KLHL3: variants seen among roughly 807,000 people sequenced by gnomAD.
KLHL3 encodes kelch like family member 3, also known as kelch-like protein 3.
A neutral mutation model predicts 70.5 loss-of-function variants in KLHL3; 19 were observed. The observed-to-expected ratio is 0.27, with a 90% confidence interval of 0.19 to 0.40. KLHL3 has a LOEUF of 0.40. Ranked by LOEUF, KLHL3 falls within the 10% of genes least tolerant of loss-of-function variation. The probability of loss-of-function intolerance (pLI) is 1.00; values close to 1 mark genes in which losing one functional copy is unlikely to be tolerated. For missense variants in KLHL3, 512 were observed against 771.1 expected (o/e 0.66, Z 3.98); for synonymous variants, 258 against 290.3 (o/e 0.89, Z 1.13).
chr5:137,691,101 A>T (rs1301353436), intron 5 of KLHL3, among the ~76,000 whole-genome samples: 1 of 152,232 alleles, frequency 6.6e-6, no homozygotes, highest in Non-Finnish European at 1.5e-5. Flanking sequence ...AAATAATAGA[A>T]TGACAAGCTC....
intron 14 of KLHL3, among the ~76,000 whole-genome samples, chr5:137,624,433 G>A (rs1370559771): frequency 6.6e-6 from 1 of 152,098 alleles, no homozygotes; most frequent in Non-Finnish European, 1.5e-5. Flanking sequence ...ATTACTCCAG[G>A]ACCAAACTTC....
In KLHL3 at chr5:137,661,780, C is replaced by T. The variant is rs192824283; in HGVS notation, c.753+135G>A. ...ACTTTACAACACCTAACACTTAACC[C>T]AGTGGGCTGGTTCCCTCAGCACATA... On this transcript the variant is annotated intron_variant, in intron 7 of 14. Coordinates refer to ENST00000309755, the MANE Select transcript of KLHL3 (RefSeq NM_017415.3). 3,305 of 622,366 alleles carry T rather than the reference C, an allele frequency of 5.3e-3. 29 individuals carry two copies. The highest frequency in any genetic ancestry group is 6.0e-3 in the Non-Finnish European group (2,092 of 347,572). 38.6% of individuals were successfully genotyped at this position (622,366 alleles called of 1,614,324 possible). A position where few individuals can be genotyped will look rare whatever the true frequency, so the allele number is the denominator to read the frequency against.
At chr5:137,629,590 C>G (rs1251455306) in intron 12 of KLHL3, 2 of 152,158 alleles carry the variant, frequency 1.3e-5, no homozygotes, top group African/African-American at 4.8e-5. Context: ...CTGTTTTTAC[C>G]TTGTCCTCGT....
chr5:137,695,246 T>C (rs1219803343), intron 4 of KLHL3, among the ~76,000 whole-genome samples: 1 of 152,202 alleles, frequency 6.6e-6, no homozygotes, highest in African/African-American at 2.4e-5. Flanking sequence ...TCAACTTCCC[T>C]ACTGTTCACA....
At chr5:137,643,326 G>T (rs1358172909) in intron 8 of KLHL3, among the ~76,000 whole-genome samples, 1 of 148,652 alleles carries the variant, frequency 6.7e-6, no homozygotes, top group African/African-American at 2.5e-5. Context: ...CTGCACTCCA[G>T]TCTGGGCAAC....
intron 12 of KLHL3, among the ~76,000 whole-genome samples, chr5:137,630,400 G>A (rs1298832057): frequency 6.6e-6 from 1 of 152,058 alleles, no homozygotes; most frequent in Admixed American, 6.6e-5. Context: ...AGCAGCTGTA[G>A]TCTCCAAAGG....
rs2301709 is a variant in KLHL3 at position 137,634,264 on chromosome 5, C to T, written c.1322-99G>A. The T allele has an allele frequency of 0.32, 426,185 of 1,341,374 alleles. 70,802 individuals carry two copies. The highest frequency in any genetic ancestry group is 0.55 in the East Asian group (21,790 of 39,868). 83.1% of individuals were successfully genotyped at this position (1,341,374 alleles called of 1,614,324 possible). Reference sequence around the variant, plus strand: ...CTGCAACCAACTGGGGCACCCTTACCTCAGAATTCTGTTCCCTCTTTCTCC... The same window carrying T: ...CTGCAACCAACTGGGGCACCCTTACTTCAGAATTCTGTTCCCTCTTTCTCC... On this transcript the variant is annotated intron_variant, in intron 11 of 14. Transcript: ENST00000309755.
At chr5:137,705,965 T>C in intron 3 of KLHL3, 1 of 976,902 alleles carries the variant, frequency 1.0e-6, no homozygotes, top group Non-Finnish European at 1.2e-6. Context: ...CTGAAAGCAG[T>C]AAAGGGCAAA....
intron 8 of KLHL3, among the ~76,000 whole-genome samples, chr5:137,648,254 G>C (rs896282493): frequency 6.6e-6 from 1 of 152,336 alleles, no homozygotes; most frequent in South Asian, 2.1e-4. Flanking sequence ...AGGGGCCTGG[G>C]CCAAATGAGA....
chr5:137,704,157 G>T (rs528508093), intron 3 of KLHL3, among the ~76,000 whole-genome samples: 1 of 152,080 alleles, frequency 6.6e-6, no homozygotes, highest in Non-Finnish European at 1.5e-5. Context: ...AGGCCGAGGC[G>T]GGTGGATCAT....
chr5:137,672,388 T>C (rs1336410573), intron 6 of KLHL3, among the ~76,000 whole-genome samples: 1 of 152,168 alleles, frequency 6.6e-6, no homozygotes, highest in Non-Finnish European at 1.5e-5. Context: ...GCCCAGTCCC[T>C]CCCAAGAAAT....
chr5:137,631,088 A>AG (rs971137707), intron 12 of KLHL3, among the ~76,000 whole-genome samples: 1 of 143,394 alleles, frequency 7.0e-6, no homozygotes, highest in African/African-American at 2.6e-5. Context: ...AAAAAAAAAA[A>AG]AAGAGAGAGA....
chr5:137,636,479 T>C (rs886509874), intron 11 of KLHL3, among the ~76,000 whole-genome samples: 3 of 152,222 alleles, frequency 2.0e-5, no homozygotes, highest in South Asian at 4.1e-4. Context: ...CTTTGGTACA[T>C]TGAATTCACA....
intron 13 of KLHL3, among the ~76,000 whole-genome samples, chr5:137,627,612 C>T (rs913283898): frequency 7.9e-5 from 12 of 151,934 alleles, no homozygotes; most frequent in African/African-American, 2.2e-4. Context: ...GCTAAGCCAA[C>T]ACTTTCCTAA....
At chr5:137,628,244 A>G (rs774838492) in intron 13 of KLHL3, 53 bp downstream of exon 13, 18 of 1,601,870 alleles carry the variant, frequency 1.1e-5, no homozygotes, top group East Asian at 4.5e-5. Flanking sequence ...CAGTGTCTTC[A>G]GGGAGAAAAG....
At chr5:137,667,817 T>C (rs1239482129) in intron 6 of KLHL3, among the ~76,000 whole-genome samples, 1 of 152,126 alleles carries the variant, frequency 6.6e-6, no homozygotes, top group African/African-American at 2.4e-5. Context: ...AAAAACTAGG[T>C]TCCTATACAT....
At chr5:137,728,667 G>C (rs1300653061) in intron 1 of KLHL3, among the ~76,000 whole-genome samples, 2 of 152,134 alleles carry the variant, frequency 1.3e-5, no homozygotes, top group African/African-American at 4.8e-5. Context: ...GAATGGAAAG[G>C]AAAGGATACT....
chr5:137,646,135 G>A (rs1210250560), intron 8 of KLHL3, among the ~76,000 whole-genome samples: 1 of 151,852 alleles, frequency 6.6e-6, no homozygotes, highest in East Asian at 1.9e-4. Context: ...GATCTAAACA[G>A]GTATTTCTCT....
At chr5:137,629,688 T>C (rs943225353) in intron 12 of KLHL3, 2 of 152,224 alleles carry the variant, frequency 1.3e-5, no homozygotes, top group African/African-American at 2.4e-5. Flanking sequence ...CTCCCAGCAA[T>C]TATGCAGGTA....
Sources: allele counts gnomAD v4.1 joint callset (sites outside exome capture counted in the v4.1 genomes callset), GRCh38; gene constraint gnomAD v4.1.1; transcripts MANE v1.5; gene names NCBI Gene and HGNC (gene_info 2026-07-23, HGNC 2026-07-21).